Variants in USP9X observed in about 807,000 individuals in gnomAD.
The protein encoded by USP9X is ubiquitin specific peptidase 9 X-linked.
Under a neutral mutation model 190.3 loss-of-function variants are expected in USP9X, and 7 were observed. That is an observed-to-expected ratio of 0.04 (90% CI 0.02 to 0.07). The LOEUF is 0.07. USP9X is among the 10% of genes least tolerant of loss of function. The pLI, the probability that USP9X is intolerant of heterozygous loss-of-function variation, is 1.00. For synonymous variants in USP9X, 645 were observed against 659.5 expected (o/e 0.98, Z 0.34); for missense variants, 1,010 against 1,916.9 (o/e 0.53, Z 8.83).
intron 37 of USP9X, among the ~76,000 whole-genome samples, chrX:41,218,847 A>G (rs1225324847): frequency 8.9e-6 from 1 of 112,397 alleles, no homozygotes; most frequent in Non-Finnish European, 1.9e-5. Context: ...TTTACTGTTA[A>G]GTAGATTTTT....
At chrX:41,113,325 C>A (rs927291685) in intron 1 of USP9X, among the ~76,000 whole-genome samples, 1 of 110,882 alleles carries the variant, frequency 9.0e-6, no homozygotes, top group African/African-American at 3.3e-5. Flanking sequence ...CTCAGCCTCC[C>A]GAGTAGCTGG....
At chrX:41,115,292 A>G (rs1028280303) in intron 1 of USP9X, among the ~76,000 whole-genome samples, 1 of 110,755 alleles carries the variant, frequency 9.0e-6, no homozygotes, top group Non-Finnish European at 1.9e-5. Context: ...GTGAAGGCTA[A>G]GTATAGCTTG....
At chrX:41,194,321 G>A (rs2036979500) in intron 26 of USP9X, among the ~76,000 whole-genome samples, 2 of 111,777 alleles carry the variant, frequency 1.8e-5, no homozygotes, top group African/African-American at 6.5e-5. Flanking sequence ...TTGGGAGGCC[G>A]AGGCGGGCGG....
chrX:41,146,664 C>T (rs866321492), intron 11 of USP9X, among the ~76,000 whole-genome samples: 5 of 50,354 alleles, frequency 9.9e-5, no homozygotes, highest in African/African-American at 4.0e-4. Flanking sequence ...AGCTATTTGC[C>T]TTTTTTTTTT....
At chrX:41,102,033 T>G (rs2062037760) in intron 1 of USP9X, among the ~76,000 whole-genome samples, 1 of 111,216 alleles carries the variant, frequency 9.0e-6, no homozygotes, top group African/African-American at 3.3e-5. Context: ...AGTTTCTTTT[T>G]GGGGGTGATG....
intron 23 of USP9X, among the ~76,000 whole-genome samples, chrX:41,185,512 A>G (rs1171446094): frequency 1.8e-5 from 2 of 111,663 alleles, no homozygotes; most frequent in Non-Finnish European, 3.8e-5. Context: ...TTCACTGGCG[A>G]TAATTCCTGA....
chrX:41,164,134 G>C (rs1000867194), intron 15 of USP9X, among the ~76,000 whole-genome samples: 1 of 111,551 alleles, frequency 9.0e-6, no homozygotes, highest in Non-Finnish European at 1.9e-5. Context: ...GTCCCCCAAA[G>C]TGCTGGTATT....
Position 41,230,718 on chromosome X carries a change from T to C in USP9X, c.7527+122T>C, listed in dbSNP as rs186554429. ...GAAGTAGGATTATCTAGACTAGCTT[T>C]GGGAGCATGATCCAGAAGAGGGATG... On this transcript the variant is annotated intron_variant, in intron 44 of 44. Coordinates refer to ENST00000378308, the MANE Select transcript of USP9X (RefSeq NM_001039591.3). The C allele has an allele frequency of 5.4e-3, 3,124 of 579,439 alleles. 10 individuals are homozygous for C. The highest frequency in any genetic ancestry group is 6.5e-3 in the Non-Finnish European group (2,413 of 371,217). 47.8% of individuals were successfully genotyped at this position (579,439 alleles called of 1,213,427 possible).
rs1476590627 is a variant in USP9X at position 41,136,962 on chromosome X, A to T, written c.594A>T (p.Ser198=). 1 of 1,211,630 alleles carries T rather than the reference A, an allele frequency of 8.3e-7. No homozygotes were observed. Among genetic ancestry groups the T allele is most frequent in the Non-Finnish European group, 1.1e-6 (1 of 895,447 alleles). Residue 198 remains serine, a synonymous_variant, in exon 6 of 45, where the codon TCA becomes TCT. Transcript: ENST00000378308. ...CACGTCCATGTGAATCAGTTTCCTC[A>T]AGTGTTCAGTTGCCTGAAGATGAAC... ...NGTRPCESVS[S]SVQLPEDELF... is the part of the protein sequence containing the mutation.
chrX:41,101,653 AG>A (rs1464037429), intron 1 of USP9X, among the ~76,000 whole-genome samples: 1 of 110,609 alleles, frequency 9.0e-6, no homozygotes, highest in Non-Finnish European at 1.9e-5. Flanking sequence ...TGGGCGACTG[AG>A]CAAGACTCCG....
At chrX:41,193,066 T>C (rs12846641) in intron 26 of USP9X, among the ~76,000 whole-genome samples, 22,922 of 110,200 alleles carry the variant, frequency 0.21, 2,232 homozygotes, top group Non-Finnish European at 0.3. Flanking sequence ...GATGTGTATG[T>C]CCAGGCATGT....
intron 14 of USP9X, among the ~76,000 whole-genome samples, chrX:41,153,837 C>T (rs1371274399): frequency 2.7e-5 from 3 of 111,856 alleles, no homozygotes; most frequent in African/African-American, 3.2e-5. Flanking sequence ...TACTGTATTA[C>T]GAATGTTAGT....
At chrX:41,223,712 C>A (rs1276899752) in intron 39 of USP9X, among the ~76,000 whole-genome samples, 1 of 111,860 alleles carries the variant, frequency 8.9e-6, no homozygotes, top group African/African-American at 3.2e-5. Flanking sequence ...GCTGGGATTA[C>A]AGGTGTGAGC....
intron 15 of USP9X, 105 bp from the exon 16 acceptor site, chrX:41,165,767 T>C (rs990552654): frequency 8.2e-6 from 5 of 611,630 alleles, no homozygotes; most frequent in Non-Finnish European, 1.2e-5. Flanking sequence ...TTTTTATCTA[T>C]AGTTAAAATA....
chrX:41,108,432 G>T (rs895155150), intron 1 of USP9X, among the ~76,000 whole-genome samples: 12 of 111,208 alleles, frequency 1.1e-4, no homozygotes, highest in African/African-American at 3.9e-4. Context: ...AATCTTTGAG[G>T]CTGTGTCTGA....
intron 25 of USP9X, 78 bp downstream of exon 25, chrX:41,188,195 T>C: frequency 1.0e-6 from 1 of 978,649 alleles, no homozygotes. Flanking sequence ...TTTATTAGCT[T>C]TGCTATTTTT....
rs751737129 is a variant in USP9X, at chrX:41,136,806, G to A, written c.438G>A (p.Arg146=). 4.7e-5 allele frequency: 56 copies of A among 1,201,676 alleles called. No homozygotes were observed. The South Asian group carries it at 9.8e-4, about 21-fold the overall frequency. The change falls in exon 6 of 45, where the codon AGG becomes AGA. Residue 146 remains arginine, a splice_region_variant and synonymous_variant. Transcript: ENST00000378308. ...AVSGWKFEIH[R]CIINNTHRLV... ...CGCCTTTCCCCCTTGTATAACAGAG[G>A]TGTATTATTAACAATACTCATCGTC...
chrX:41,215,854 T>G lies in USP9X; in HGVS notation c.5332-45T>G. On this transcript the variant is annotated intron_variant, in intron 34 of 44. Coordinates refer to ENST00000378308, the MANE Select transcript of USP9X (RefSeq NM_001039591.3). ...GCTTGGGGTTTTTTTTTTTTTCCTG[T>G]GGATTTTAATAGAACATCTGGTAAC... 1 of 1,122,307 alleles carries G rather than the reference T, an allele frequency of 8.9e-7. No homozygotes were observed. 92.5% of individuals were successfully genotyped at this position (1,122,307 alleles called of 1,213,427 possible).
At chrX:41,107,649 C>G (rs536482025) in intron 1 of USP9X, among the ~76,000 whole-genome samples, 1 of 112,013 alleles carries the variant, frequency 8.9e-6, no homozygotes, top group Admixed American at 9.5e-5. Flanking sequence ...TTCTGGGGCT[C>G]TCATTATGCA....
Sources: allele counts gnomAD v4.1 joint callset (sites outside exome capture counted in the v4.1 genomes callset), GRCh38; gene constraint gnomAD v4.1.1; transcripts MANE v1.5; gene names NCBI Gene and HGNC (gene_info 2026-07-23, HGNC 2026-07-21).